TMEM117: variants seen among roughly 807,000 people sequenced by gnomAD.
TMEM117 encodes the protein transmembrane protein 117.
A neutral mutation model predicts 52.4 loss-of-function variants in TMEM117; 27 were observed. The ratio of observed to expected loss-of-function variants is 0.51; its 90% CI spans 0.38 to 0.71. The LOEUF is 0.71. TMEM117 is among the 30% of genes least tolerant of loss of function. The pLI is 0.00. For missense variants in TMEM117, 556 were observed against 630.5 expected (o/e 0.88, Z 1.26); for synonymous variants, 215 against 206.3 (o/e 1.04, Z -0.36).
At chr12:44,371,839 A>G (rs577603154) in intron 6 of TMEM117, among the ~76,000 whole-genome samples, 1 of 152,362 alleles carries the variant, frequency 6.6e-6, no homozygotes, top group South Asian at 2.1e-4. Context: ...CTCATGAATA[A>G]TAGGGATCAG....
At chr12:44,039,631 A>C (rs1372482017) in intron 3 of TMEM117, among the ~76,000 whole-genome samples, 4 of 151,932 alleles carry the variant, frequency 2.6e-5, no homozygotes, top group African/African-American at 9.7e-5. Context: ...AAATTCCCCA[A>C]ATTTGAAATA....
chr12:44,307,077 T>G (rs1950913306), intron 6 of TMEM117, among the ~76,000 whole-genome samples: 1 of 152,252 alleles, frequency 6.6e-6, no homozygotes, highest in Admixed American at 6.5e-5. Context: ...GGTTGACTAC[T>G]TTAAAAATAG....
At chr12:44,107,641 TGAA>T (rs912356837) in intron 3 of TMEM117, among the ~76,000 whole-genome samples, 5 of 152,126 alleles carry the variant, frequency 3.3e-5, no homozygotes, top group African/African-American at 7.2e-5. Flanking sequence ...CTATTTCTAA[TGAA>T]GAATATATAA....
chr12:44,397,547 A>C, the TMEM117 span, among the ~76,000 whole-genome samples: 1 of 152,102 alleles, frequency 6.6e-6, no homozygotes, highest in African/African-American at 2.4e-5. Context: ...AAGCTCTAAA[A>C]CTCGGACGAA....
At chr12:43,828,071 T>A in the TMEM117 span, among the ~76,000 whole-genome samples, 3 of 152,194 alleles carry the variant, frequency 2.0e-5, no homozygotes, top group Non-Finnish European at 2.9e-5. Context: ...ATTTTACACT[T>A]CTAGTCCCTA....
chr12:44,034,228 T>C (rs1946677134), intron 3 of TMEM117, among the ~76,000 whole-genome samples: 1 of 152,164 alleles, frequency 6.6e-6, no homozygotes, highest in African/African-American at 2.4e-5. Context: ...AGAGAAATGC[T>C]AGGTTAGCTA....
intron 3 of TMEM117, among the ~76,000 whole-genome samples, chr12:43,953,524 T>G (rs550148455): frequency 2.0e-5 from 3 of 152,034 alleles, no homozygotes; most frequent in Admixed American, 1.3e-4. Context: ...AAATAGACTT[T>G]AAAGCAACAA....
At chr12:43,797,135 C>CA in the TMEM117 span, 1 of 1,544,840 alleles carries the variant, frequency 6.5e-7, no homozygotes, top group Non-Finnish European at 8.8e-7. Context: ...ATTAGCATAT[C>CA]AATACATAAA....
At chr12:43,872,846 C>G (rs542614949) in intron 2 of TMEM117, among the ~76,000 whole-genome samples, 2 of 152,254 alleles carry the variant, frequency 1.3e-5, no homozygotes, top group Non-Finnish European at 2.9e-5. Flanking sequence ...GTAAAATCCA[C>G]AGATTATAGC....
chr12:44,272,256 CT>C (rs1182108625), intron 5 of TMEM117, among the ~76,000 whole-genome samples: 1 of 151,958 alleles, frequency 6.6e-6, no homozygotes, highest in Non-Finnish European at 1.5e-5. Flanking sequence ...TAATAAAAGT[CT>C]CCCCATAAAG....
At chr12:44,177,286 G>C (rs1354735712) in intron 4 of TMEM117, among the ~76,000 whole-genome samples, 1 of 152,010 alleles carries the variant, frequency 6.6e-6, no homozygotes, top group African/African-American at 2.4e-5. Context: ...AAATATTATT[G>C]AGCATCCATT....
rs1950826568 is a variant in TMEM117, at chr12:44,300,529, T to C, written c.768+790T>C. ...AATACTCCACTGTATTCTGAATTTATGTGAGATTTCACAGGATAGCAGATT... is the reference window on the plus strand; with the variant it reads ...AATACTCCACTGTATTCTGAATTTACGTGAGATTTCACAGGATAGCAGATT... On this transcript the variant is annotated intron_variant, in intron 6 of 7. Transcript: ENST00000266534. 2.0e-5 allele frequency among the ~76,000 whole-genome samples: 3 copies of C among 152,376 alleles called. No homozygotes were observed. In the South Asian group the frequency reaches 6.2e-4, roughly 32 times the overall value.
chr12:44,059,431 G>A (rs186708928), intron 3 of TMEM117, among the ~76,000 whole-genome samples: 1 of 152,232 alleles, frequency 6.6e-6, no homozygotes, highest in African/African-American at 2.4e-5. Context: ...GTTTTTGAGA[G>A]AATTCTGCCA....
intron 5 of TMEM117, among the ~76,000 whole-genome samples, chr12:44,278,010 C>T (rs1414042306): frequency 1.3e-5 from 2 of 152,046 alleles, no homozygotes; most frequent in Admixed American, 6.5e-5. Context: ...GATCTGCCTG[C>T]CTCGGCCTCC....
At chr12:43,940,011 T>C (rs1945018093) in intron 2 of TMEM117, among the ~76,000 whole-genome samples, 1 of 152,130 alleles carries the variant, frequency 6.6e-6, no homozygotes, top group African/African-American at 2.4e-5. Context: ...ACAGGAAAGA[T>C]TCGCCTCCAT....
At chr12:43,984,393 A>ACAG (rs1225624768) in intron 3 of TMEM117, among the ~76,000 whole-genome samples, 1 of 150,626 alleles carries the variant, frequency 6.6e-6, no homozygotes, top group Non-Finnish European at 1.5e-5. Context: ...AACAACAACA[A>ACAG]CAACAACAAC....
At chr12:43,818,664 C>T in the TMEM117 span, among the ~76,000 whole-genome samples, 4 of 152,226 alleles carry the variant, frequency 2.6e-5, no homozygotes, top group South Asian at 2.1e-4. Context: ...AGGATGGTCT[C>T]GATCTCTTGA....
chr12:43,897,206 C>T (rs566518043), intron 2 of TMEM117, among the ~76,000 whole-genome samples: 66 of 152,058 alleles, frequency 4.3e-4, no homozygotes, highest in Admixed American at 2.9e-3. Flanking sequence ...AAACTTCTGC[C>T]GAGAGCTGCT....
chr12:44,376,272 T>G (rs1264980797), intron 6 of TMEM117, among the ~76,000 whole-genome samples: 3 of 152,184 alleles, frequency 2.0e-5, no homozygotes, highest in African/African-American at 7.2e-5. Context: ...TAGGGATCAC[T>G]TCCTTCCTAA....
Sources: gnomAD v4.1 joint callset for allele counts (sites outside exome capture counted in the v4.1 genomes callset) on GRCh38, gnomAD v4.1.1 for gene constraint, MANE v1.5 for transcripts, NCBI Gene and HGNC (gene_info 2026-07-23, HGNC 2026-07-21) for gene names.